PTPRD: variants seen among roughly 807,000 people sequenced by gnomAD.
The protein encoded by PTPRD is protein tyrosine phosphatase receptor type D.
Under a neutral mutation model 214.5 loss-of-function variants are expected in PTPRD, and 34 were observed. The observed-to-expected ratio is 0.16, with a 90% CI of 0.12 to 0.21. The LOEUF (loss-of-function observed/expected upper bound fraction) is 0.21, where lower values mean the gene tolerates loss of function less well. Ranked by LOEUF, PTPRD falls within the 10% of genes least tolerant of loss-of-function variation. The pLI, the probability that PTPRD is intolerant of heterozygous loss-of-function variation, is 1.00. For synonymous variants in PTPRD, 1,128 were observed against 845.7 expected (o/e 1.33, Z -5.79); for missense variants, 2,545 against 2,398.7 (o/e 1.06, Z -1.27).
chr9:8,578,017 T>A (rs553789412), intron 14 of PTPRD, among the ~76,000 whole-genome samples: 89 of 152,308 alleles, frequency 5.8e-4, no homozygotes, highest in African/African-American at 2.1e-3. Context: ...CAATACACAT[T>A]TGTTGAATAC....
chr9:10,603,544 A>G (rs867009596), intron 2 of PTPRD, among the ~76,000 whole-genome samples: 13 of 151,918 alleles, frequency 8.6e-5, no homozygotes, highest in African/African-American at 2.4e-4. Flanking sequence ...AAAATACGTT[A>G]TTAACTTTAG....
chr9:8,401,120 C>G (rs541291268), intron 36 of PTPRD, among the ~76,000 whole-genome samples: 1 of 151,978 alleles, frequency 6.6e-6, no homozygotes, highest in Non-Finnish European at 1.5e-5. Context: ...CTTCCAATAT[C>G]CAAGTATTAG....
intron 33 of PTPRD, among the ~76,000 whole-genome samples, chr9:8,459,339 T>C (rs1054141190): frequency 5.3e-5 from 8 of 152,036 alleles, no homozygotes; most frequent in African/African-American, 1.9e-4. Context: ...TGAGATCAAC[T>C]TCACAGTAGC....
intron 9 of PTPRD, among the ~76,000 whole-genome samples, chr9:9,344,857 T>C (rs543132567): frequency 6.6e-6 from 1 of 152,026 alleles, no homozygotes; most frequent in Admixed American, 6.6e-5. Flanking sequence ...GATGTACCTG[T>C]GGGGCCAATA....
intron 2 of PTPRD, among the ~76,000 whole-genome samples, chr9:10,559,045 T>C (rs1249054726): frequency 6.6e-6 from 1 of 152,130 alleles, no homozygotes; most frequent in East Asian, 1.9e-4. Context: ...GGAGACAAGG[T>C]TAAGTAAGCA....
chr9:9,638,073 T>C (rs915270489), intron 7 of PTPRD, among the ~76,000 whole-genome samples: 9 of 152,206 alleles, frequency 5.9e-5, no homozygotes, highest in African/African-American at 1.9e-4. Flanking sequence ...CATTATCCCA[T>C]TGTCTTGATA....
At chr9:10,222,028 T>A (rs1031098857) in intron 3 of PTPRD, among the ~76,000 whole-genome samples, 1 of 151,438 alleles carries the variant, frequency 6.6e-6, no homozygotes, top group East Asian at 2.0e-4. Context: ...AGAAAAAAAA[T>A]GCCAGCTAAA....
chr9:8,919,035 C>A (rs2098806689), intron 11 of PTPRD, among the ~76,000 whole-genome samples: 1 of 152,140 alleles, frequency 6.6e-6, no homozygotes, highest in Non-Finnish European at 1.5e-5. Flanking sequence ...TGGATGTATG[C>A]AGATCCTTTT....
At chr9:9,434,783 G>T (rs1018629725) in intron 8 of PTPRD, among the ~76,000 whole-genome samples, 7 of 150,546 alleles carry the variant, frequency 4.6e-5, no homozygotes, top group Non-Finnish European at 8.9e-5. Flanking sequence ...TTTTATTTAG[G>T]TTGCTCTGGT....
chr9:10,328,283 T>A (rs1206554076), intron 3 of PTPRD, among the ~76,000 whole-genome samples: 1 of 151,758 alleles, frequency 6.6e-6, no homozygotes, highest in Non-Finnish European at 1.5e-5. Context: ...CATATTAAGT[T>A]TTTTATTTTC....
intron 35 of PTPRD, among the ~76,000 whole-genome samples, chr9:8,407,885 A>G (rs556830980): frequency 6.6e-6 from 1 of 152,364 alleles, no homozygotes; most frequent in African/African-American, 2.4e-5. Context: ...GGAGCTTGTC[A>G]GAATGCTGAC....
intron 3 of PTPRD, among the ~76,000 whole-genome samples, chr9:10,261,310 A>C (rs2093686624): frequency 6.6e-6 from 1 of 151,892 alleles, no homozygotes; most frequent in African/African-American, 2.4e-5. Context: ...GAAATGCTCT[A>C]TGTCATTTGA....
At chr9:9,021,694 G>T (rs932128027) in intron 10 of PTPRD, among the ~76,000 whole-genome samples, 1 of 151,992 alleles carries the variant, frequency 6.6e-6, no homozygotes, top group Non-Finnish European at 1.5e-5. Flanking sequence ...GAGTGTTACT[G>T]ATGACTCTTA....
intron 7 of PTPRD, among the ~76,000 whole-genome samples, chr9:9,575,927 A>G (rs2088564428): frequency 6.6e-6 from 1 of 152,034 alleles, no homozygotes; most frequent in Non-Finnish European, 1.5e-5. Flanking sequence ...AAAGAAAACT[A>G]AATATTTAAC....
At chr9:9,708,595 A>T (rs1434892277) in intron 7 of PTPRD, among the ~76,000 whole-genome samples, 1 of 152,034 alleles carries the variant, frequency 6.6e-6, no homozygotes, top group Non-Finnish European at 1.5e-5. Flanking sequence ...CCCGATTTCA[A>T]AGTCCTCAAG....
chr9:8,936,767 C>G (rs2099000812), intron 11 of PTPRD, among the ~76,000 whole-genome samples: 1 of 152,058 alleles, frequency 6.6e-6, no homozygotes, highest in African/African-American at 2.4e-5. Context: ...TGGATTTTGG[C>G]TATCATAAAT....
intron 11 of PTPRD, among the ~76,000 whole-genome samples, chr9:9,008,833 G>A (rs1860176637): frequency 6.6e-6 from 1 of 152,014 alleles, no homozygotes; most frequent in African/African-American, 2.4e-5. Flanking sequence ...AAAACCTTAT[G>A]TTTTTCCTCT....
intron 11 of PTPRD, among the ~76,000 whole-genome samples, chr9:8,969,420 C>G (rs1469830142): frequency 1.3e-5 from 2 of 151,950 alleles, no homozygotes; most frequent in African/African-American, 2.4e-5. Context: ...TTCATATGCA[C>G]AGAAGTTCAT....
At chr9:10,052,610 A>G (rs938788633) in intron 3 of PTPRD, among the ~76,000 whole-genome samples, 15 of 152,256 alleles carry the variant, frequency 9.9e-5, no homozygotes, top group African/African-American at 2.6e-4. Flanking sequence ...GGTTATTACC[A>G]TCTCTATTTA....
Sources: allele counts gnomAD v4.1 joint callset (sites outside exome capture counted in the v4.1 genomes callset), GRCh38; gene constraint gnomAD v4.1.1; transcripts MANE v1.5; gene names NCBI Gene and HGNC (gene_info 2026-07-23, HGNC 2026-07-21).